The following DENND2B variants were observed in gnomAD, a reference collection of about 807,000 sequenced individuals.
The protein encoded by DENND2B is DENN domain containing 2B, also known as DENN domain-containing protein 2B.
A neutral mutation model predicts 116.0 loss-of-function variants in DENND2B; 32 were observed. The ratio of observed to expected loss-of-function variants is 0.28; its 90% confidence interval spans 0.21 to 0.37. DENND2B has a LOEUF of 0.37. Ranked by LOEUF, DENND2B falls within the 10% of genes least tolerant of loss-of-function variation. The pLI, the probability that DENND2B is intolerant of heterozygous loss-of-function variation, is 1.00. For synonymous variants in DENND2B, 588 were observed against 583.9 expected (o/e 1.01, Z -0.10); for missense variants, 1,276 against 1,477.7 (o/e 0.86, Z 2.24).
At chr11:8,786,251 T>C (rs1436349071) in intron 1 of DENND2B, among the ~76,000 whole-genome samples, 2 of 152,118 alleles carry the variant, frequency 1.3e-5, no homozygotes, top group African/African-American at 2.4e-5. Context: ...GTGAGAGCTA[T>C]AGAAAACCAA....
chr11:8,898,174 A>C (rs927165857), intron 1 of DENND2B, among the ~76,000 whole-genome samples: 3 of 152,204 alleles, frequency 2.0e-5, no homozygotes, highest in Non-Finnish European at 2.9e-5. Context: ...ATCTCTTCCC[A>C]GTTATTAGCT....
chr11:8,850,982 T>A (rs1183679942), intron 3 of DENND2B, among the ~76,000 whole-genome samples: 1 of 151,970 alleles, frequency 6.6e-6, no homozygotes, highest in Non-Finnish European at 1.5e-5. Context: ...AAAGTTGAAC[T>A]CATAGAAACA....
At chr11:8,746,569 A>C (rs1366612479) in intron 2 of DENND2B, among the ~76,000 whole-genome samples, 1 of 152,364 alleles carries the variant, frequency 6.6e-6, no homozygotes, top group Admixed American at 6.5e-5. Context: ...TGAACCAAAG[A>C]TTCTGAGTGA....
rs75121710 is a variant in DENND2B, at chr11:8,910,332, G to C, written c.-256+489C>G. On this transcript the variant is annotated intron_variant, in intron 1 of 22. Transcript: ENST00000534127. ...GGCCTAATCACCTCCTCAAACAAGA[G>C]TAGCGACACCCCAAAATGTAGACCA... is the stretch of plus-strand genomic sequence containing the variant. 5.0e-4 allele frequency among the ~76,000 whole-genome samples: 76 copies of C among 151,564 alleles called. No individual in the cohort carries two copies. The East Asian group carries it at 0.013, about 26-fold the overall frequency.
Position 8,695,493 on chromosome 11 carries a change from T to C in DENND2B, c.3349A>G (p.Ser1117Gly), listed in dbSNP as rs2040202015. The C allele has an allele frequency of 6.2e-7, 1 of 1,613,984 alleles. No homozygotes were observed. The change falls in exon 19 of 20, where the codon AGT (serine) becomes GGT (glycine). Residue 1117 changes from serine (S) to glycine (G), a missense_variant. Ser to Gly is a moderately conservative substitution (Grantham distance 56). Coordinates refer to ENST00000313726, the MANE Select transcript of DENND2B (RefSeq NM_213618.2). ...CCTCGGAGAAACTTATTCATTCCACTCTGCTCAGTGTCTGGGAGTTCTTCT... is the reference window on the plus strand; with the variant it reads ...CCTCGGAGAAACTTATTCATTCCACCCTGCTCAGTGTCTGGGAGTTCTTCT... ...YLEELPDTEQ[S>G]GMNKFLRGLG...
At chr11:8,701,098 A>T (rs1232754172) in intron 14 of DENND2B, among the ~76,000 whole-genome samples, 1 of 152,114 alleles carries the variant, frequency 6.6e-6, no homozygotes, top group Non-Finnish European at 1.5e-5. Flanking sequence ...CCTTTAAAGC[A>T]GCTCAAAAAT....
intron 13 of DENND2B, among the ~76,000 whole-genome samples, chr11:8,705,767 C>G (rs1261115978): frequency 1.3e-5 from 2 of 152,216 alleles, no homozygotes; most frequent in Non-Finnish European, 2.9e-5. Context: ...CTCCCTATTT[C>G]CAATCAAACG....
At chr11:8,701,975 G>C (rs1216107951) in intron 14 of DENND2B, among the ~76,000 whole-genome samples, 1 of 152,048 alleles carries the variant, frequency 6.6e-6, no homozygotes, top group African/African-American at 2.4e-5. Context: ...CCCGGTGTGG[G>C]CTGGCCAGCC....
intron 9 of DENND2B, among the ~76,000 whole-genome samples, chr11:8,711,593 G>A (rs1413804392): frequency 1.3e-5 from 2 of 152,060 alleles, no homozygotes; most frequent in Non-Finnish European, 2.9e-5. Flanking sequence ...GTGGCCGGGC[G>A]CGGTGGTTCA....
At chr11:8,822,491 A>G (rs1240562616) in intron 4 of DENND2B, among the ~76,000 whole-genome samples, 2 of 152,224 alleles carry the variant, frequency 1.3e-5, no homozygotes, top group East Asian at 3.8e-4. Flanking sequence ...TTTTTTAAAG[A>G]AAAGATTTCA....
At chr11:8,857,133 T>C (rs993143507) in intron 3 of DENND2B, among the ~76,000 whole-genome samples, 1 of 152,126 alleles carries the variant, frequency 6.6e-6, no homozygotes, top group African/African-American at 2.4e-5. Flanking sequence ...AGAAGAATTA[T>C]CATCTGGATA....
At chr11:8,731,267 A>C (rs1197789751) in intron 2 of DENND2B, 58 bp from the exon 3 acceptor site, 2 of 1,405,292 alleles carry the variant, frequency 1.4e-6, no homozygotes, top group Non-Finnish European at 1.9e-6. Flanking sequence ...TGGCTGACCA[A>C]CCAGTGGCAT....
intron 1 of DENND2B, among the ~76,000 whole-genome samples, chr11:8,884,429 C>A (rs900617959): frequency 6.6e-6 from 1 of 152,172 alleles, no homozygotes; most frequent in Non-Finnish European, 1.5e-5. Flanking sequence ...TGGGCTCAAG[C>A]AATCTTCCCA....
intron 2 of DENND2B, among the ~76,000 whole-genome samples, chr11:8,860,185 G>A (rs1279803105): frequency 6.6e-6 from 1 of 152,040 alleles, no homozygotes; most frequent in Admixed American, 6.6e-5. Flanking sequence ...GGAAGTCCTA[G>A]CCAGAACAAT....
intron 3 of DENND2B, among the ~76,000 whole-genome samples, chr11:8,855,230 A>C (rs1004954931): frequency 6.6e-6 from 1 of 151,832 alleles, no homozygotes; most frequent in South Asian, 2.1e-4. Context: ...AAAGAAAAGA[A>C]GAGAACAGCA....
intron 11 of DENND2B, chr11:8,708,297 T>A (rs2042970212): frequency 1.0e-6 from 1 of 985,340 alleles, no homozygotes; most frequent in African/African-American, 1.7e-5. Context: ...CCATTCCTTT[T>A]TTTGCTTCTT....
chr11:8,835,367 T>C (rs551991010), intron 4 of DENND2B, among the ~76,000 whole-genome samples: 9 of 152,370 alleles, frequency 5.9e-5, no homozygotes, highest in African/African-American at 2.2e-4. Flanking sequence ...ACAATAGTGA[T>C]GGCACTGATA....
intron 18 of DENND2B, 47 bp from the exon 19 acceptor site, chr11:8,695,596 A>C (rs1272890061): frequency 1.1e-5 from 17 of 1,537,546 alleles, no homozygotes; most frequent in East Asian, 2.2e-5. Context: ...CATTGGAGGA[A>C]GGGAAGGAGA....
chr11:8,724,819 C>T (rs2046819334), intron 4 of DENND2B, among the ~76,000 whole-genome samples: 1 of 152,162 alleles, frequency 6.6e-6, no homozygotes, highest in African/African-American at 2.4e-5. Context: ...GTTTCCTGAC[C>T]AGAGTGATAA....
Sources: gnomAD v4.1 joint callset for allele counts (sites outside exome capture counted in the v4.1 genomes callset) on GRCh38, gnomAD v4.1.1 for gene constraint, MANE v1.5 for transcripts, NCBI Gene and HGNC (gene_info 2026-07-23, HGNC 2026-07-21) for gene names.